The following DPP6 variants were observed in gnomAD, a reference collection of about 807,000 sequenced individuals.
The protein encoded by DPP6 is A-type potassium channel modulatory protein DPP6.
In DPP6, 69 loss-of-function variants were observed where a neutral mutation model predicts 122.6. The observed-to-expected ratio is 0.56, with a 90% confidence interval of 0.46 to 0.69. The LOEUF is 0.69. Among genes scored for constraint, DPP6 ranks in the 30% least tolerant of loss-of-function variants. DPP6 has a pLI of 0.00. For synonymous variants in DPP6, 418 were observed against 433.1 expected (o/e 0.97, Z 0.43); for missense variants, 928 against 1,116.9 (o/e 0.83, Z 2.41).
At chr7:154,315,018 A>G (rs6464404) in intron 1 of DPP6, among the ~76,000 whole-genome samples, 104,988 of 151,708 alleles carry the variant, frequency 0.69, 36,448 homozygotes, top group East Asian at 0.8. Flanking sequence ...TGCTGGATGC[A>G]TGAGGTTGTT....
At chr7:154,023,415 A>G (rs1250543555) in intron 1 of DPP6, among the ~76,000 whole-genome samples, 2 of 151,008 alleles carry the variant, frequency 1.3e-5, no homozygotes, top group Non-Finnish European at 2.9e-5. Flanking sequence ...CTCTATAACA[A>G]TCAGCATCAC....
At chr7:154,631,601 T>C (rs1835412202) in intron 5 of DPP6, among the ~76,000 whole-genome samples, 2 of 150,532 alleles carry the variant, frequency 1.3e-5, no homozygotes, top group South Asian at 4.2e-4. Flanking sequence ...TGGGAGGCAG[T>C]GGTTGCGGTG....
In DPP6 at chr7:154,063,384, T is replaced by C. The variant is rs1339190395; in HGVS notation, c.243+10321T>C. Among the ~76,000 whole-genome samples the C allele has an allele frequency of 9.6e-5, 12 of 124,916 alleles. 1 individual carries two copies. Among genetic ancestry groups the C allele is most frequent in the Admixed American group, 7.6e-4 (9 of 11,840 alleles). The allele number at this position is 124,916 out of a possible 152,430, so 81.9% of individuals were successfully genotyped here. A position where few individuals can be genotyped will look rare whatever the true frequency, so the allele number is the denominator to read the frequency against. On this transcript the variant is annotated intron_variant, in intron 1 of 25. Coordinates refer to ENST00000377770, the MANE Select transcript of DPP6 (RefSeq NM_130797.4). ...GAGGGTGTGGCACCCCCCACGAGGGTGGGGACTGAGAGCTATCCCCTCTTC... is the reference window on the plus strand; with the variant it reads ...GAGGGTGTGGCACCCCCCACGAGGGCGGGGACTGAGAGCTATCCCCTCTTC...
the DPP6 span, among the ~76,000 whole-genome samples, chr7:153,844,755 C>T: frequency 6.6e-6 from 1 of 152,150 alleles, no homozygotes; most frequent in Non-Finnish European, 1.5e-5. Flanking sequence ...AATTAATGCA[C>T]TTTTTAAATA....
chr7:154,651,553 C>A (rs1836874838), intron 6 of DPP6, among the ~76,000 whole-genome samples: 1 of 152,118 alleles, frequency 6.6e-6, no homozygotes, highest in Admixed American at 6.6e-5. Flanking sequence ...CCAAATGAGT[C>A]AGAAGAATCC....
chr7:154,340,423 C>T (rs545802181), intron 1 of DPP6, among the ~76,000 whole-genome samples: 2 of 152,326 alleles, frequency 1.3e-5, no homozygotes, highest in Admixed American at 1.3e-4. Flanking sequence ...TCTCCATCCC[C>T]AGCTTTCAGC....
intron 12 of DPP6, among the ~76,000 whole-genome samples, chr7:154,800,127 C>T (rs892169592): frequency 2.6e-5 from 4 of 152,194 alleles, no homozygotes; most frequent in Admixed American, 6.5e-5. Flanking sequence ...ATTTTAAAAG[C>T]CAAATTAACC....
intron 1 of DPP6, among the ~76,000 whole-genome samples, chr7:153,924,691 A>G (rs1260726878): frequency 6.6e-6 from 1 of 152,204 alleles, no homozygotes. Flanking sequence ...AGTAAGCAAC[A>G]GACCATCTGC....
At position 154,071,806 on chromosome 7, in the gene DPP6, G is replaced by A. The variant is rs190576442; in HGVS notation, c.243+18743G>A. Reference sequence around the variant, plus strand: ...TCAAATGAGAGTAAAAGAGGACACCGTTGTCTTACTGCTGGGGAAAAGAGA... The same window carrying A: ...TCAAATGAGAGTAAAAGAGGACACCATTGTCTTACTGCTGGGGAAAAGAGA... On this transcript the variant is annotated intron_variant, in intron 1 of 25. Transcript: ENST00000377770. 4.1e-4 allele frequency among the ~76,000 whole-genome samples: 63 copies of A among 152,264 alleles called. 1 individual carries two copies. Among genetic ancestry groups the A allele is most frequent in the East Asian group, 2.7e-3 (14 of 5,184 alleles).
intron 1 of DPP6, among the ~76,000 whole-genome samples, chr7:154,243,954 G>A (rs956414646): frequency 1.3e-5 from 2 of 151,810 alleles, no homozygotes. Flanking sequence ...ATACATGTAA[G>A]TTGCGTCTCA....
At chr7:153,831,029 A>C in the DPP6 span, among the ~76,000 whole-genome samples, 2 of 152,212 alleles carry the variant, frequency 1.3e-5, no homozygotes, top group Non-Finnish European at 2.9e-5. Context: ...CATGGAATAA[A>C]TTAACTTACA....
In DPP6 at chr7:154,624,460, G is replaced by A. The variant is rs1388995709; in HGVS notation, c.628-13361G>A. The stretch of plus-strand genomic sequence containing the variant: ...CGCTGCCTTCCAACCTGGGCAACAA[G>A]AGTGAAACTCTGTCTCAACAAACAA... On this transcript the variant is annotated intron_variant, in intron 5 of 25. Coordinates refer to ENST00000377770, the MANE Select transcript of DPP6 (RefSeq NM_130797.4). The surrounding 1 kb of genome is among the most constrained non-coding windows in gnomAD (Gnocchi z 4.7). Among the ~76,000 whole-genome samples, 1 of 152,070 alleles carries A rather than the reference G, an allele frequency of 6.6e-6. No homozygotes were observed. Among genetic ancestry groups the A allele is most frequent in the Admixed American group, 6.6e-5 (1 of 15,250 alleles).
chr7:153,904,528 G>A (rs1160490449), intron 1 of DPP6, among the ~76,000 whole-genome samples: 1 of 152,190 alleles, frequency 6.6e-6, no homozygotes, highest in East Asian at 1.9e-4. Flanking sequence ...GGGTATAGTG[G>A]TAACAGTGAG....
chr7:154,451,918 C>T (rs546099832), intron 2 of DPP6, among the ~76,000 whole-genome samples: 2 of 152,348 alleles, frequency 1.3e-5, no homozygotes, highest in Non-Finnish European at 2.9e-5. Flanking sequence ...GCAAATGTTG[C>T]ACCGCTGCTC....
chr7:154,647,262 G>T (rs990074109), intron 6 of DPP6, among the ~76,000 whole-genome samples: 2 of 152,160 alleles, frequency 1.3e-5, no homozygotes, highest in South Asian at 4.1e-4. Context: ...TGTCCAGCTG[G>T]GGTCATCTGG....
At chr7:154,213,493 C>G (rs1585646671) in intron 1 of DPP6, among the ~76,000 whole-genome samples, 2 of 152,242 alleles carry the variant, frequency 1.3e-5, no homozygotes, top group East Asian at 3.9e-4. Flanking sequence ...CAAAGAGTTC[C>G]CAATGTAATG....
At chr7:154,560,256 T>A (rs1303096004) in intron 4 of DPP6, among the ~76,000 whole-genome samples, 1 of 152,144 alleles carries the variant, frequency 6.6e-6, no homozygotes, top group African/African-American at 2.4e-5. Flanking sequence ...TTAAATATAA[T>A]AAAATATGTC....
At chr7:154,394,849 A>G (rs1814946290) in intron 1 of DPP6, among the ~76,000 whole-genome samples, 1 of 152,150 alleles carries the variant, frequency 6.6e-6, no homozygotes, top group Non-Finnish European at 1.5e-5. Flanking sequence ...AAGAACTGAC[A>G]TTTCCTCACT....
intron 4 of DPP6, among the ~76,000 whole-genome samples, chr7:154,543,754 G>A (rs894922544): frequency 8.5e-5 from 13 of 152,080 alleles, no homozygotes; most frequent in Non-Finnish European, 1.6e-4. Context: ...AGCACTTTGA[G>A]AGGCCAAGGC....
Sources: gnomAD v4.1 joint callset for allele counts (sites outside exome capture counted in the v4.1 genomes callset) on GRCh38, gnomAD v4.1.1 for gene constraint, Gnocchi (gnomAD v3.1) non-coding constraint, MANE v1.5 for transcripts, NCBI Gene and HGNC (gene_info 2026-07-23, HGNC 2026-07-21) for gene names.